SGMS1: variants seen among roughly 807,000 people sequenced by gnomAD.
SGMS1 encodes sphingomyelin synthase 1.
SGMS1 carries 13 observed loss-of-function variants against 46.2 expected under a neutral mutation model. That is an observed-to-expected ratio of 0.28 (90% CI 0.18 to 0.45). The LOEUF (loss-of-function observed/expected upper bound fraction) is 0.45, where lower values mean the gene tolerates loss of function less well. Among genes scored for constraint, SGMS1 ranks in the 20% least tolerant of loss-of-function variants. SGMS1 has a pLI of 1.00. For synonymous variants in SGMS1, 203 were observed against 187.8 expected (o/e 1.08, Z -0.66); for missense variants, 324 against 519.9 (o/e 0.62, Z 3.66).
chr10:50,583,272 T>C (rs1838451649), intron 2 of SGMS1, among the ~76,000 whole-genome samples: 1 of 152,156 alleles, frequency 6.6e-6, no homozygotes, highest in African/African-American at 2.4e-5. Flanking sequence ...CAAGAATACA[T>C]CTGAAAATGC....
chr10:50,390,479 A>G (rs747285941), intron 6 of SGMS1, among the ~76,000 whole-genome samples: 14 of 152,314 alleles, frequency 9.2e-5, no homozygotes, highest in Non-Finnish European at 7.4e-5. Flanking sequence ...TAGAATGTTC[A>G]TGTCAGCTGG....
chr10:50,441,091 C>A (rs531651256), intron 5 of SGMS1, among the ~76,000 whole-genome samples: 1 of 152,290 alleles, frequency 6.6e-6, no homozygotes, highest in East Asian at 1.9e-4. Context: ...TGCATCCAGT[C>A]GACAAAGTGT....
intron 6 of SGMS1, among the ~76,000 whole-genome samples, chr10:50,427,829 A>G (rs888852347): frequency 6.6e-6 from 1 of 152,230 alleles, no homozygotes; most frequent in African/African-American, 2.4e-5. Flanking sequence ...ATGTTCTACA[A>G]ACATTTATAG....
intron 5 of SGMS1, among the ~76,000 whole-genome samples, chr10:50,438,643 T>C (rs576681536): frequency 6.6e-6 from 1 of 152,248 alleles, no homozygotes; most frequent in South Asian, 2.1e-4. Context: ...TAGATTGTTA[T>C]GTAGCTATAG....
intron 2 of SGMS1, among the ~76,000 whole-genome samples, chr10:50,521,090 G>A (rs969109626): frequency 6.6e-6 from 1 of 151,808 alleles, no homozygotes; most frequent in East Asian, 1.9e-4. Flanking sequence ...GCTGGGTCTC[G>A]AAATCTTGGA....
intron 5 of SGMS1, among the ~76,000 whole-genome samples, chr10:50,446,245 C>G (rs1837011986): frequency 6.6e-6 from 1 of 152,190 alleles, no homozygotes; most frequent in Admixed American, 6.5e-5. Flanking sequence ...ACACCCTATT[C>G]ATACACTCCC....
intron 8 of SGMS1, among the ~76,000 whole-genome samples, chr10:50,318,504 T>G (rs1847385179): frequency 2.0e-5 from 3 of 152,236 alleles, no homozygotes; most frequent in African/African-American, 7.2e-5. Flanking sequence ...GGGGGGTTCT[T>G]AAGGGAGAAC....
intron 3 of SGMS1, among the ~76,000 whole-genome samples, chr10:50,507,356 T>C (rs1837715973): frequency 6.6e-6 from 1 of 152,214 alleles, no homozygotes; most frequent in Non-Finnish European, 1.5e-5. Flanking sequence ...CAAGCCCCTT[T>C]GTCTCTGAGC....
rs75763839 is a variant in SGMS1, at chr10:50,455,207, C to T, written c.-313+5466G>A. Among the ~76,000 whole-genome samples, 671 of 152,288 alleles carry T rather than the reference C, an allele frequency of 4.4e-3. 4 individuals are homozygous for T. The highest frequency in any genetic ancestry group is 0.015 in the African/African-American group (633 of 41,550). On this transcript the variant is annotated intron_variant, in intron 5 of 10. Coordinates refer to ENST00000361781, the MANE Select transcript of SGMS1 (RefSeq NM_147156.4). ...CAATTCCAGGGGTGTCATTTACTCA[C>T]ATCTTGTTGAATGTCACCCCAACAG...
chr10:50,600,408 C>T (rs1244098109), intron 1 of SGMS1, among the ~76,000 whole-genome samples: 3 of 152,198 alleles, frequency 2.0e-5, no homozygotes, highest in Non-Finnish European at 2.9e-5. Context: ...AGCACTCAGG[C>T]TATTAGTGAC....
chr10:50,505,827 A>G (rs1837702043), intron 3 of SGMS1, among the ~76,000 whole-genome samples: 1 of 152,154 alleles, frequency 6.6e-6, no homozygotes. Context: ...CAGAGGCCCG[A>G]GGAATGGGGA....
intron 6 of SGMS1, among the ~76,000 whole-genome samples, chr10:50,353,853 A>G (rs1472899842): frequency 1.3e-5 from 2 of 152,236 alleles, no homozygotes; most frequent in African/African-American, 2.4e-5. Flanking sequence ...CTTCAAAGAG[A>G]ATAAAATACC....
At chr10:50,485,890 ACT>A (rs1352222804) in intron 3 of SGMS1, among the ~76,000 whole-genome samples, 2 of 152,090 alleles carry the variant, frequency 1.3e-5, no homozygotes, top group African/African-American at 4.8e-5. Flanking sequence ...ACAGAGCAAG[ACT>A]CTGTCTCAAA....
chr10:50,444,359 T>C (rs1054191318), intron 5 of SGMS1, among the ~76,000 whole-genome samples: 2 of 151,976 alleles, frequency 1.3e-5, no homozygotes, highest in African/African-American at 4.8e-5. Flanking sequence ...TCATAAAACA[T>C]ACATGGAGAA....
chr10:50,436,207 C>T (rs549356035), intron 5 of SGMS1, among the ~76,000 whole-genome samples: 1 of 152,304 alleles, frequency 6.6e-6, no homozygotes, highest in Non-Finnish European at 1.5e-5. Context: ...CGGGTTCACA[C>T]CATTCTCCTG....
In SGMS1 at chr10:50,343,683, G is replaced by C. The variant is rs1422349320; in HGVS notation, c.432C>G (p.Ser144=). The C allele has an allele frequency of 1.9e-6, 3 of 1,614,020 alleles. No homozygotes were observed. In the South Asian group the frequency reaches 3.3e-5, roughly 18 times the overall value. ...KTFLAFLYAL[S]CFVLTTVMIS... is the part of the protein sequence containing the mutation. Reference sequence around the variant, plus strand: ...TCATCACTGTGGTGAGAACGAAACAGGAAAGTGCATAAAGAAAGGCCAGAA... The same window carrying C: ...TCATCACTGTGGTGAGAACGAAACACGAAAGTGCATAAAGAAAGGCCAGAA... The change falls in exon 7 of 11, where the codon TCC becomes TCG. Residue 144 remains serine (S), a synonymous_variant. Transcript: ENST00000361781.
intron 1 of SGMS1, among the ~76,000 whole-genome samples, chr10:50,604,682 G>A (rs771003410): frequency 2.6e-5 from 4 of 152,234 alleles, no homozygotes; most frequent in African/African-American, 9.6e-5. Flanking sequence ...TTAAACATGT[G>A]TGTTTACTTT....
intron 6 of SGMS1, among the ~76,000 whole-genome samples, chr10:50,396,952 C>G (rs1848856758): frequency 6.6e-6 from 1 of 152,182 alleles, no homozygotes. Context: ...CTCCACCCTT[C>G]TGCACACTCT....
chr10:50,601,870 C>T (rs1349198947), intron 1 of SGMS1, among the ~76,000 whole-genome samples: 3 of 152,210 alleles, frequency 2.0e-5, no homozygotes, highest in African/African-American at 7.2e-5. Context: ...TCCTATCCAC[C>T]TTCTACATAT....
Sources: gnomAD v4.1 joint callset for allele counts (sites outside exome capture counted in the v4.1 genomes callset) on GRCh38, gnomAD v4.1.1 for gene constraint, MANE v1.5 for transcripts, NCBI Gene and HGNC (gene_info 2026-07-23, HGNC 2026-07-21) for gene names.